Variants in LTBP1 observed in about 807,000 individuals in gnomAD.
The protein encoded by LTBP1 is latent transforming growth factor beta binding protein 1.
LTBP1 carries 129 observed loss-of-function variants against 207.6 expected under a neutral mutation model. The observed-to-expected ratio is 0.62, with a 90% CI of 0.54 to 0.72. The LOEUF is 0.72. LTBP1 is among the 30% of genes least tolerant of loss of function. LTBP1 has a pLI of 0.00. For missense variants in LTBP1, 2,281 were observed against 2,217.2 expected (o/e 1.03, Z -0.58); for synonymous variants, 963 against 833.7 (o/e 1.16, Z -2.67).
At chr2:33,338,672 G>A (rs1200442101) in intron 24 of LTBP1, among the ~76,000 whole-genome samples, 1 of 152,172 alleles carries the variant, frequency 6.6e-6, no homozygotes, top group African/African-American at 2.4e-5. Flanking sequence ...CTCCTGAAGG[G>A]CCAAGAGGCA....
At chr2:33,323,882 G>A (rs919116764) in intron 24 of LTBP1, among the ~76,000 whole-genome samples, 3 of 152,206 alleles carry the variant, frequency 2.0e-5, no homozygotes, top group Non-Finnish European at 2.9e-5. Context: ...ACTACTGGGT[G>A]TAGTAGTGGC....
rs1275321229 is a variant in LTBP1 at position 33,293,256 on chromosome 2, G to A, written c.3209G>A (p.Arg1070Gln). ...TGTTCATGCCACAAAGGCTATACCC[G>A]GACTCCGGACCACAAGCACTGTAGA... ...YMCSCHKGYT[R>Q]TPDHKHCRDI... The change falls in exon 20 of 34, where the codon CGG (arginine) becomes CAG (glutamine). Residue 1070 changes from arginine to glutamine, a missense_variant. Around this residue, in one of 3 missense-constraint regions of LTBP1, gnomAD observed 1,671 missense variants for 1,634.8 expected, o/e 1.02. Transcript: ENST00000404816. 14 of 1,613,042 alleles carry A rather than the reference G, an allele frequency of 8.7e-6. No individual in the cohort carries two copies. The African/African-American group carries it at 9.4e-5, about 11-fold the overall frequency.
chr2:33,181,170 C>T (rs973193997), intron 5 of LTBP1, among the ~76,000 whole-genome samples: 4 of 152,136 alleles, frequency 2.6e-5, no homozygotes, highest in African/African-American at 7.2e-5. Context: ...TCTTAGAGTG[C>T]CTTTTGGGAA....
In LTBP1 at chr2:33,134,007, G is replaced by T. The variant is rs1416883475; in HGVS notation, c.1034-786G>T. Among the ~76,000 whole-genome samples, 1 of 152,154 alleles carries T rather than the reference G, an allele frequency of 6.6e-6. No individual in the cohort carries two copies. Among genetic ancestry groups the T allele is most frequent in the Non-Finnish European group, 1.5e-5 (1 of 68,028 alleles). On this transcript the variant is annotated intron_variant, in intron 4 of 33. Transcript: ENST00000404816. The surrounding 1 kb of genome is among the most constrained non-coding windows in gnomAD (Gnocchi z 4.4). ...GAGAAGGCCACGCTAATGAAAGAAA[G>T]CTCCATCCCCAGTGGCTACTCCAGG...
chr2:33,201,475 T>C (rs929672617), intron 7 of LTBP1, among the ~76,000 whole-genome samples: 6 of 147,514 alleles, frequency 4.1e-5, no homozygotes, highest in African/African-American at 1.5e-4. Flanking sequence ...CTGGGGACTG[T>C]TGTGGGGTGG....
intron 2 of LTBP1, among the ~76,000 whole-genome samples, chr2:32,954,991 C>G (rs1471322121): frequency 6.6e-6 from 1 of 152,160 alleles, no homozygotes; most frequent in East Asian, 1.9e-4. Flanking sequence ...GTTGGTGTTT[C>G]TTACACATGA....
At chr2:33,293,757 C>T (rs567985862) in intron 20 of LTBP1, among the ~76,000 whole-genome samples, 7 of 152,102 alleles carry the variant, frequency 4.6e-5, no homozygotes, top group South Asian at 2.1e-4. Flanking sequence ...ATTCATATTT[C>T]GTGGATATTG....
chr2:33,030,344 AG>A (rs1238531562), intron 3 of LTBP1, among the ~76,000 whole-genome samples: 1 of 152,156 alleles, frequency 6.6e-6, no homozygotes, highest in Non-Finnish European at 1.5e-5. Flanking sequence ...CCTGGGCACA[AG>A]CAACCATTTT....
chr2:33,230,404 T>C (rs2091716987), intron 9 of LTBP1, among the ~76,000 whole-genome samples: 1 of 152,156 alleles, frequency 6.6e-6, no homozygotes, highest in Non-Finnish European at 1.5e-5. Context: ...AATTATCTTT[T>C]CAAAGGGATG....
At chr2:33,026,574 G>A (rs1053736095) in intron 3 of LTBP1, among the ~76,000 whole-genome samples, 8 of 152,130 alleles carry the variant, frequency 5.3e-5, no homozygotes, top group African/African-American at 1.9e-4. Flanking sequence ...CTTATGGTAT[G>A]TGGTCTGCCC....
intron 2 of LTBP1, among the ~76,000 whole-genome samples, chr2:33,005,385 G>C (rs546859449): frequency 6.6e-6 from 1 of 152,220 alleles, no homozygotes; most frequent in African/African-American, 2.4e-5. Context: ...GTTGGCTGGG[G>C]ACCTCAGTTT....
chr2:33,253,583 T>TGG (rs1336063501), intron 11 of LTBP1, among the ~76,000 whole-genome samples: 1 of 152,156 alleles, frequency 6.6e-6, no homozygotes, highest in Admixed American at 6.5e-5. Context: ...GTCACTTACT[T>TGG]GGGGTGGACA....
At chr2:33,176,581 A>G (rs764396592) in intron 5 of LTBP1, among the ~76,000 whole-genome samples, 3 of 152,148 alleles carry the variant, frequency 2.0e-5, no homozygotes, top group Non-Finnish European at 4.4e-5. Context: ...TGATTGACAT[A>G]TTCTTTTTGG....
In LTBP1 at chr2:33,390,590, C is replaced by T. The variant is rs149885317; in HGVS notation, c.4834+1284C>T. 1.5e-3 allele frequency among the ~76,000 whole-genome samples: 223 copies of T among 151,982 alleles called. 1 individual carries two copies. The highest frequency in any genetic ancestry group is 2.8e-3 in the Non-Finnish European group (190 of 67,964). ...TGCAACTCTGCCTCCTGGGCTCAAGCGATCCTCCCACCCCAGTCTCCCGAG... is the reference window on the plus strand; with the variant it reads ...TGCAACTCTGCCTCCTGGGCTCAAGTGATCCTCCCACCCCAGTCTCCCGAG... On this transcript the variant is annotated intron_variant, in intron 32 of 33. Transcript: ENST00000404816.
chr2:32,949,421 T>C lies in LTBP1; in HGVS notation c.565+476T>C, dbSNP rs78090235. Among the ~76,000 whole-genome samples the C allele has an allele frequency of 6.7e-3, 1,026 of 152,298 alleles. 9 individuals carry two copies. The highest frequency in any genetic ancestry group is 0.024 in the African/African-American group (990 of 41,554). On this transcript the variant is annotated intron_variant, in intron 2 of 33. Transcript: ENST00000404816. ...AACAGCAACCAGAATCCTTCATCCT[T>C]GAGGCCTGATGGTTTTCTAGAATGC...
intron 7 of LTBP1, 91 bp downstream of exon 7, chr2:33,188,942 T>TA (rs894065967): frequency 9.4e-6 from 12 of 1,273,720 alleles, no homozygotes; most frequent in South Asian, 4.6e-5. Context: ...AATGCTTTTT[T>TA]AAAAAAAAGG....
chr2:32,987,823 C>T (rs1683831364), intron 2 of LTBP1, among the ~76,000 whole-genome samples: 1 of 152,136 alleles, frequency 6.6e-6, no homozygotes. Flanking sequence ...AATAATGGTT[C>T]CCTGAAAGAT....
At chr2:33,150,722 T>C (rs1371656472) in intron 5 of LTBP1, among the ~76,000 whole-genome samples, 2 of 119,398 alleles carry the variant, frequency 1.7e-5, no homozygotes, top group Non-Finnish European at 3.5e-5. Flanking sequence ...TTTTTTTTTT[T>C]TTTTTTTTTT....
intron 3 of LTBP1, 61 bp from the exon 4 acceptor site, chr2:33,110,521 T>C (rs767591530): frequency 2.2e-5 from 32 of 1,477,192 alleles, no homozygotes; most frequent in Non-Finnish European, 2.4e-5. Context: ...ACCCTTTCCT[T>C]ATTAGCTGAC....
Sources: allele counts gnomAD v4.1 joint callset (sites outside exome capture counted in the v4.1 genomes callset), GRCh38; gene constraint gnomAD v4.1.1; regional missense constraint gnomAD v4.1.1; non-coding constraint Gnocchi (gnomAD v3.1); transcripts MANE v1.5; gene names NCBI Gene and HGNC (gene_info 2026-07-23, HGNC 2026-07-21).